Variants in CLASP1 observed in about 807,000 individuals in gnomAD.
CLASP1 encodes the protein cytoplasmic linker associated protein 1.
Under a neutral mutation model 192.3 loss-of-function variants are expected in CLASP1, and 38 were observed. That is an observed-to-expected ratio of 0.20 (90% confidence interval 0.15 to 0.26). The LOEUF is 0.26. CLASP1 is among the 10% of genes least tolerant of loss of function. The pLI is 1.00. For synonymous variants in CLASP1, 691 were observed against 712.8 expected (o/e 0.97, Z 0.49); for missense variants, 1,433 against 1,932.5 (o/e 0.74, Z 4.85).
At chr2:121,640,822 G>A (rs2071911928) in intron 1 of CLASP1, among the ~76,000 whole-genome samples, 2 of 152,132 alleles carry the variant, frequency 1.3e-5, no homozygotes, top group Non-Finnish European at 2.9e-5. Flanking sequence ...AATGACAATA[G>A]CACCTGCCTT....
intron 6 of CLASP1, among the ~76,000 whole-genome samples, chr2:121,524,240 G>A (rs185519919): frequency 7.7e-4 from 117 of 152,274 alleles, no homozygotes; most frequent in African/African-American, 2.6e-3. Context: ...TGGCGGCAGC[G>A]AAACCCCCAG....
chr2:121,605,313 C>G (rs776683525), intron 2 of CLASP1, among the ~76,000 whole-genome samples: 16 of 152,114 alleles, frequency 1.1e-4, no homozygotes, highest in Non-Finnish European at 1.9e-4. Context: ...CAATTCAATC[C>G]CCCAGAGAAA....
At chr2:121,623,671 T>G (rs2106138288) in intron 1 of CLASP1, among the ~76,000 whole-genome samples, 1 of 152,316 alleles carries the variant, frequency 6.6e-6, no homozygotes, top group Non-Finnish European at 1.5e-5. Context: ...TAAGCTTTTT[T>G]GGGAGGGGCT....
intron 2 of CLASP1, among the ~76,000 whole-genome samples, chr2:121,598,361 T>G (rs1456407339): frequency 6.6e-6 from 1 of 152,204 alleles, no homozygotes; most frequent in Non-Finnish European, 1.5e-5. Context: ...AGAGGCAAGT[T>G]TTTCTGAAAT....
At chr2:121,565,988 C>T (rs749517332) in intron 2 of CLASP1, among the ~76,000 whole-genome samples, 2 of 152,120 alleles carry the variant, frequency 1.3e-5, no homozygotes, top group Non-Finnish European at 2.9e-5. Context: ...GTTTCAGGGA[C>T]GGCCAGAAAC....
intron 11 of CLASP1, among the ~76,000 whole-genome samples, chr2:121,460,847 G>A (rs1414814981): frequency 6.6e-6 from 1 of 152,180 alleles, no homozygotes; most frequent in African/African-American, 2.4e-5. Flanking sequence ...TGAGAGTGGA[G>A]ACTATTACCA....
chr2:121,557,773 G>GA (rs1006400984), intron 2 of CLASP1, among the ~76,000 whole-genome samples: 4 of 149,300 alleles, frequency 2.7e-5, no homozygotes, highest in South Asian at 2.1e-4. Context: ...AAAGAAAAAA[G>GA]AAAAAAAAAG....
chr2:121,396,054 A>G (rs141512243), intron 30 of CLASP1, among the ~76,000 whole-genome samples: 52 of 152,358 alleles, frequency 3.4e-4, no homozygotes, highest in Middle Eastern at 3.4e-3. Flanking sequence ...CAGAGTGTCT[A>G]CGCTCTGCCC....
At chr2:121,527,737 T>C in intron 5 of CLASP1, 62 bp downstream of exon 5, 3 of 1,278,246 alleles carry the variant, frequency 2.3e-6, no homozygotes, top group Non-Finnish European at 3.4e-6. Flanking sequence ...TATAATTATT[T>C]CAAAATAAAA....
chr2:121,437,330 T>C (rs895437561), intron 19 of CLASP1, among the ~76,000 whole-genome samples: 3 of 152,214 alleles, frequency 2.0e-5, no homozygotes, highest in Admixed American at 6.5e-5. Context: ...CTTCAAAATC[T>C]GCTTGGTCAT....
At chr2:121,631,346 G>A (rs1233426785) in intron 1 of CLASP1, among the ~76,000 whole-genome samples, 1 of 136,966 alleles carries the variant, frequency 7.3e-6, no homozygotes, top group Non-Finnish European at 1.5e-5. Flanking sequence ...GGAGTGCACT[G>A]GTACGATCTT....
At chr2:121,604,095 A>T (rs2105898745) in intron 2 of CLASP1, among the ~76,000 whole-genome samples, 1 of 152,356 alleles carries the variant, frequency 6.6e-6, no homozygotes, top group East Asian at 1.9e-4. Flanking sequence ...AATGATAAAC[A>T]TTTGAGATGA....
At chr2:121,571,302 A>C (rs1158489896) in intron 2 of CLASP1, among the ~76,000 whole-genome samples, 2 of 152,026 alleles carry the variant, frequency 1.3e-5, no homozygotes, top group Non-Finnish European at 2.9e-5. Context: ...CGGCCTCCCA[A>C]GTAGCTGGGA....
At chr2:121,500,071 T>C (rs1216674210) in intron 8 of CLASP1, among the ~76,000 whole-genome samples, 1 of 152,060 alleles carries the variant, frequency 6.6e-6, no homozygotes, top group African/African-American at 2.4e-5. Context: ...CAAGACTGTA[T>C]ATGTAGAAAA....
At chr2:121,452,807 A>T (rs1248496833) in intron 14 of CLASP1, among the ~76,000 whole-genome samples, 2 of 152,136 alleles carry the variant, frequency 1.3e-5, no homozygotes, top group East Asian at 3.9e-4. Context: ...AAACAAACAA[A>T]CAAACAAATA....
At chr2:121,636,558 A>G (rs1576658719) in intron 1 of CLASP1, among the ~76,000 whole-genome samples, 1 of 151,270 alleles carries the variant, frequency 6.6e-6, no homozygotes, top group Non-Finnish European at 1.5e-5. Context: ...CCAGCTACTC[A>G]GGAGGCTGAG....
At chr2:121,382,471 C>T (rs2071943835) in intron 32 of CLASP1, 147 bp from the exon 34 acceptor site, 2 of 585,458 alleles carry the variant, frequency 3.4e-6, no homozygotes, top group East Asian at 3.1e-5. Context: ...ATTAGCACTT[C>T]ATCATACAGA....
intron 5 of CLASP1, among the ~76,000 whole-genome samples, chr2:121,526,899 A>G (rs1575668794): frequency 1.3e-5 from 2 of 152,230 alleles, no homozygotes. Flanking sequence ...TTCACCATCA[A>G]CAGCCATTAG....
At chr2:121,598,184 G>A (rs929180579) in intron 2 of CLASP1, among the ~76,000 whole-genome samples, 9 of 152,306 alleles carry the variant, frequency 5.9e-5, no homozygotes, top group Middle Eastern at 3.4e-3. Flanking sequence ...GAACAGCACC[G>A]CCATGGTGTA....
Sources: allele counts gnomAD v4.1 joint callset (sites outside exome capture counted in the v4.1 genomes callset), GRCh38; gene constraint gnomAD v4.1.1; transcripts MANE v1.5; gene names NCBI Gene and HGNC (gene_info 2026-07-23, HGNC 2026-07-21).